The following PSME4 variants were observed in gnomAD, a reference collection of about 807,000 sequenced individuals.
The protein encoded by PSME4 is proteasome activator subunit 4.
A neutral mutation model predicts 253.9 loss-of-function variants in PSME4; 89 were observed. The ratio of observed to expected loss-of-function variants is 0.35; its 90% CI spans 0.30 to 0.42. The LOEUF is 0.42. Ranked by LOEUF, PSME4 falls within the 10% of genes least tolerant of loss-of-function variation. The pLI is 1.00. For missense variants in PSME4, 2,014 were observed against 2,195.2 expected (o/e 0.92, Z 1.65); for synonymous variants, 851 against 759.2 (o/e 1.12, Z -1.99).
At chr2:53,875,776 G>A (rs769036929) in intron 41 of PSME4, 21 bp from the exon 42 acceptor site, 1 of 1,600,404 alleles carries the variant, frequency 6.2e-7, no homozygotes, top group Admixed American at 1.7e-5. Context: ...ATGTAAAAAG[G>A]ACAAAAATGG....
chr2:53,924,266 T>C (rs902929952), intron 14 of PSME4, among the ~76,000 whole-genome samples: 1 of 152,234 alleles, frequency 6.6e-6, no homozygotes, highest in Non-Finnish European at 1.5e-5. Context: ...AGATGATTTG[T>C]GTTCATTTCT....
chr2:53,869,216 CT>C, intron 44 of PSME4, 159 bp downstream of exon 44: 1 of 638,826 alleles, frequency 1.6e-6, no homozygotes, highest in Non-Finnish European at 2.5e-6. Context: ...CCAAGTCCTG[CT>C]TTCTATATGC....
At chr2:53,940,122 T>C (rs1573337041) in intron 3 of PSME4, 122 bp from the exon 4 acceptor site, 4 of 719,304 alleles carry the variant, frequency 5.6e-6, no homozygotes, top group Admixed American at 2.8e-5. Flanking sequence ...CATGTAATAA[T>C]TGAGCCTTCC....
chr2:53,875,817 C>G, intron 41 of PSME4, 62 bp from the exon 42 acceptor site: 1 of 1,450,958 alleles, frequency 6.9e-7, no homozygotes, highest in Non-Finnish European at 9.4e-7. Context: ...ACAAAGGCAT[C>G]CTACATGAGA....
chr2:53,949,374 GA>G, intron 1 of PSME4, 91 bp from the exon 2 acceptor site: 1 of 731,914 alleles, frequency 1.4e-6, no homozygotes, highest in Non-Finnish European at 2.0e-6. Context: ...CCAAGATGTA[GA>G]TGCAACCTGA....
intron 1 of PSME4, among the ~76,000 whole-genome samples, chr2:53,969,628 G>A (rs887122823): frequency 6.6e-6 from 1 of 150,422 alleles, no homozygotes; most frequent in African/African-American, 2.4e-5. Context: ...TTCGGACACA[G>A]TAAAGATGCC....
At chr2:53,877,236 T>C (rs1375600782) in intron 41 of PSME4, among the ~76,000 whole-genome samples, 1 of 124,942 alleles carries the variant, frequency 8.0e-6, no homozygotes, top group East Asian at 2.3e-4. Flanking sequence ...CAGAGCAAGA[T>C]CCTGCCTCTA....
chr2:53,957,743 G>A (rs1342618720), intron 1 of PSME4, among the ~76,000 whole-genome samples: 2 of 152,206 alleles, frequency 1.3e-5, no homozygotes, highest in East Asian at 1.9e-4. Flanking sequence ...ATGTAAAATG[G>A]CTACTAATAT....
rs569129312 is a variant in PSME4, at chr2:53,865,225, G to C, written c.*353C>G. On this transcript the variant is annotated 3_prime_UTR_variant, in exon 47 of 47. Transcript: ENST00000404125. ...ATGAAATGACAGGACCTGTATTACA[G>C]ATGGGTATTCTCCATTCCAAGTAAA... 1.3e-5 allele frequency: 2 copies of C among 152,708 alleles called. No homozygotes were observed. The highest frequency in any genetic ancestry group is 3.9e-4 in the East Asian group (2 of 5,186). The allele number at this position is 152,708 out of a possible 1,614,324, so 9.5% of individuals were successfully genotyped here.
Position 53,904,042 on chromosome 2 carries a change from T to TAAC in PSME4, c.3055_3057dup (p.Val1019dup). ...CCCTATACCTTGAATTGTTGCTGTGTAACACCTTGTCTATCAGGCCTTAAG... is the reference window on the plus strand; with the variant it reads ...CCCTATACCTTGAATTGTTGCTGTGTAACAACACCTTGTCTATCAGGCCTTAAG... On this transcript the variant is annotated inframe_insertion, in exon 27 of 47. Coordinates refer to ENST00000404125, the MANE Select transcript of PSME4 (RefSeq NM_014614.3). 1 of 1,613,186 alleles carries TAAC rather than the reference T, an allele frequency of 6.2e-7. No individual in the cohort carries two copies. Among genetic ancestry groups the TAAC allele is most frequent in the East Asian group, 2.2e-5 (1 of 44,812 alleles).
intron 20 of PSME4, among the ~76,000 whole-genome samples, chr2:53,918,634 T>C (rs889231053): frequency 2.6e-5 from 4 of 152,162 alleles, no homozygotes; most frequent in Non-Finnish European, 5.9e-5. Flanking sequence ...TATTCTAACT[T>C]AATTTTTTTT....
rs763835146 is a variant in PSME4, at chr2:53,896,807, T to C, written c.3685A>G (p.Ile1229Val). ...AATTACTTCTGGTAGTACTCACTGA[T>C]TTCACAGGGGTTAATGGTCAGCTTT... ...HKKLTINPCE[I>V]SGCPKPTQII... The change falls in exon 32 of 47, where the codon ATC becomes GTC. Residue 1229 changes from isoleucine to valine, a missense_variant. Transcript: ENST00000404125. 1 of 1,601,428 alleles carries C rather than the reference T, an allele frequency of 6.2e-7. No individual in the cohort carries two copies.
chr2:53,957,597 C>T (rs898063914), intron 1 of PSME4, among the ~76,000 whole-genome samples: 5 of 152,236 alleles, frequency 3.3e-5, no homozygotes, highest in African/African-American at 9.6e-5. Flanking sequence ...GCTATAAATT[C>T]GGCTCAGTAC....
In PSME4 at chr2:53,949,000, A is replaced by C. The variant is rs976465493; in HGVS notation, c.383+143T>G. The C allele has an allele frequency of 3.4e-6, 4 of 1,166,858 alleles. No individual in the cohort carries two copies. In the African/African-American group the frequency reaches 4.7e-5, roughly 14 times the overall value. The allele number at this position is 1,166,858 out of a possible 1,614,324, so 72.3% of individuals were successfully genotyped here. ...AAAGGTTAACTGACACATTTGATGA[A>C]AATTAAGATAATGTTTTTTGCAATC... is the stretch of plus-strand genomic sequence containing the variant. On this transcript the variant is annotated intron_variant, in intron 2 of 46. Coordinates refer to ENST00000404125, the MANE Select transcript of PSME4 (RefSeq NM_014614.3).
In PSME4 at chr2:53,934,733, A is replaced by T; in HGVS notation, c.835-6T>A. 1.3e-6 allele frequency: 2 copies of T among 1,569,140 alleles called. No individual in the cohort carries two copies. The highest frequency in any genetic ancestry group is 1.7e-6 in the Non-Finnish European group (2 of 1,143,296). On this transcript the variant is annotated splice_polypyrimidine_tract_variant and splice_region_variant and intron_variant, in intron 7 of 46. Coordinates refer to ENST00000404125, the MANE Select transcript of PSME4 (RefSeq NM_014614.3). ...CTCAGAATTCTTGTAAATATCTTTTAAAAGAAAAAAATAAGTAAGGATATT... is the reference window on the plus strand; with the variant it reads ...CTCAGAATTCTTGTAAATATCTTTTTAAAGAAAAAAATAAGTAAGGATATT...
intron 33 of PSME4, 107 bp downstream of exon 33, chr2:53,895,476 A>G: frequency 9.1e-7 from 1 of 1,095,936 alleles, no homozygotes; most frequent in Non-Finnish European, 1.3e-6. Context: ...GGGAAGGGGA[A>G]AGATAAAAGA....
chr2:53,891,022 G>A (rs778064641), intron 36 of PSME4, among the ~76,000 whole-genome samples: 14 of 150,720 alleles, frequency 9.3e-5, no homozygotes, highest in East Asian at 2.1e-4. Flanking sequence ...GCAAGACTCC[G>A]TCTAAAAAAA....
At chr2:53,922,984 T>C in intron 16 of PSME4, 65 bp downstream of exon 16, 5 of 1,269,130 alleles carry the variant, frequency 3.9e-6, no homozygotes, top group Admixed American at 2.6e-5. Context: ...ATTAACAGAG[T>C]TTTAGAAACC....
intron 29 of PSME4, among the ~76,000 whole-genome samples, chr2:53,898,888 T>A (rs1414418115): frequency 6.6e-6 from 1 of 152,116 alleles, no homozygotes; most frequent in African/African-American, 2.4e-5. Flanking sequence ...GATACCAAAT[T>A]TGACCAATAA....
Sources: gnomAD v4.1 joint callset for allele counts (sites outside exome capture counted in the v4.1 genomes callset) on GRCh38, gnomAD v4.1.1 for gene constraint, MANE v1.5 for transcripts, NCBI Gene and HGNC (gene_info 2026-07-23, HGNC 2026-07-21) for gene names.